HNF4G: variants seen among roughly 807,000 people sequenced by gnomAD.
HNF4G encodes hepatocyte nuclear factor 4-gamma.
Under a neutral mutation model 50.9 loss-of-function variants are expected in HNF4G, and 21 were observed. That is an observed-to-expected ratio of 0.41 (90% confidence interval 0.29 to 0.59). The LOEUF is 0.59. Ranked by LOEUF, HNF4G falls within the 20% of genes least tolerant of loss-of-function variation. The pLI is 0.26. For missense variants in HNF4G, 527 were observed against 559.4 expected (o/e 0.94, Z 0.58); for synonymous variants, 198 against 185.6 (o/e 1.07, Z -0.54).
Position 75,566,662 on chromosome 8 carries a change from G to T in HNF4G, c.*2566G>T, listed in dbSNP as rs528615301. The stretch of plus-strand genomic sequence containing the variant: ...AGGTAATAGAAGTGAATAATTTATT[G>T]TGAAATAATTCATTTTATAAATGTA... On this transcript the variant is annotated 3_prime_UTR_variant, in exon 10 of 10. Transcript: ENST00000396423. The T allele has an allele frequency of 5.9e-4, 90 of 152,324 alleles. No homozygotes were observed. The highest frequency in any genetic ancestry group is 2.1e-3 in the African/African-American group (87 of 41,466). 9.4% of individuals were successfully genotyped at this position (152,324 alleles called of 1,614,324 possible).
At position 75,564,007 on chromosome 8, in the gene HNF4G, CA is replaced by C. The variant is rs1807392850; in HGVS notation, c.1281del (p.Gly428AlafsTer9). 7.4e-6 allele frequency: 12 copies of C among 1,613,696 alleles called. No individual in the cohort carries two copies. The East Asian group carries it at 2.5e-4, about 33-fold the overall frequency. On this transcript the variant is annotated frameshift_variant, in exon 10 of 10. Transcript: ENST00000396423. LOFTEE classifies it high-confidence loss of function. ...TGAAACCCCACTCCCTTCCCCACCACAAGGCTCTGGGCAAGAACAGTACAAA... is the reference window on the plus strand; with the variant it reads ...TGAAACCCCACTCCCTTCCCCACCACAGGCTCTGGGCAAGAACAGTACAAA... Reference protein sequence around the residue: ...TPETPLPSPPQGSGQEQYKIA... With the variant: ...TPETPLPSPPXGSGQEQYKIA...
At chr8:75,472,919 A>G (rs1053057782) in intron 1 of HNF4G, among the ~76,000 whole-genome samples, 1 of 152,208 alleles carries the variant, frequency 6.6e-6, no homozygotes, top group Non-Finnish European at 1.5e-5. Context: ...TCCTAGAAAA[A>G]GGGCAAGGGT....
At chr8:75,499,771 C>T (rs1329786647) in intron 2 of HNF4G, among the ~76,000 whole-genome samples, 2 of 151,584 alleles carry the variant, frequency 1.3e-5, no homozygotes, top group South Asian at 2.1e-4. Context: ...ACAAGGGCAC[C>T]AAGACAATTC....
intron 1 of HNF4G, among the ~76,000 whole-genome samples, chr8:75,416,589 T>C (rs1427615667): frequency 6.6e-6 from 1 of 152,100 alleles, no homozygotes; most frequent in African/African-American, 2.4e-5. Flanking sequence ...ATTTTAATAG[T>C]AATTATGTTT....
At chr8:75,532,973 C>A (rs1203145643) in intron 2 of HNF4G, among the ~76,000 whole-genome samples, 1 of 151,990 alleles carries the variant, frequency 6.6e-6, no homozygotes. Context: ...TCATTATCAT[C>A]ATGATCATTA....
chr8:75,420,096 T>C (rs1252927458), intron 1 of HNF4G, among the ~76,000 whole-genome samples: 2 of 152,144 alleles, frequency 1.3e-5, no homozygotes, highest in Non-Finnish European at 2.9e-5. Flanking sequence ...TTTGCTTAAA[T>C]CAAAAGCCAG....
chr8:75,487,902 G>T (rs948114914), intron 1 of HNF4G, among the ~76,000 whole-genome samples: 2 of 152,124 alleles, frequency 1.3e-5, no homozygotes, highest in African/African-American at 4.8e-5. Flanking sequence ...AGCAAACACG[G>T]CCTTCTTCAC....
chr8:75,463,522 T>G (rs527608683), intron 1 of HNF4G, among the ~76,000 whole-genome samples: 1 of 152,282 alleles, frequency 6.6e-6, no homozygotes, highest in South Asian at 2.1e-4. Flanking sequence ...CCTTTCAATA[T>G]TTGACATTTA....
At chr8:75,480,043 T>C (rs1812339132) in intron 1 of HNF4G, among the ~76,000 whole-genome samples, 1 of 152,066 alleles carries the variant, frequency 6.6e-6, no homozygotes, top group Non-Finnish European at 1.5e-5. Flanking sequence ...TCCCATACAA[T>C]CTGAGAACAA....
intron 2 of HNF4G, among the ~76,000 whole-genome samples, chr8:75,522,847 T>A (rs1333370144): frequency 6.6e-6 from 1 of 152,166 alleles, no homozygotes; most frequent in Non-Finnish European, 1.5e-5. Flanking sequence ...GTCTATATAA[T>A]GGAAATGCTC....
Position 75,543,802 on chromosome 8 carries a change from T to A in HNF4G, c.119-9T>A. ...AACTCTAACTGTAATCTTCCTTTTTTATTGACAGATAGTTCTGCCCCAGAG... is the reference window on the plus strand; with the variant it reads ...AACTCTAACTGTAATCTTCCTTTTTAATTGACAGATAGTTCTGCCCCAGAG... On this transcript the variant is annotated splice_polypyrimidine_tract_variant and intron_variant, in intron 1 of 9. Transcript: ENST00000396423. 21 of 1,604,860 alleles carry A rather than the reference T, an allele frequency of 1.3e-5. No homozygotes were observed. The highest frequency in any genetic ancestry group is 1.7e-5 in the Non-Finnish European group (20 of 1,175,598).
intron 1 of HNF4G, among the ~76,000 whole-genome samples, chr8:75,409,889 C>T (rs957346034): frequency 1.3e-5 from 2 of 152,128 alleles, no homozygotes; most frequent in Admixed American, 6.5e-5. Context: ...AAAGAGCCCC[C>T]TCCCCATTCC....
intron 2 of HNF4G, among the ~76,000 whole-genome samples, chr8:75,531,191 G>A (rs550426244): frequency 1.3e-5 from 2 of 152,100 alleles, no homozygotes; most frequent in African/African-American, 4.8e-5. Context: ...GAAAAATTTT[G>A]TAGTAAAGGA....
At chr8:75,416,282 C>A (rs959112543) in intron 1 of HNF4G, among the ~76,000 whole-genome samples, 1 of 152,080 alleles carries the variant, frequency 6.6e-6, no homozygotes, top group Non-Finnish European at 1.5e-5. Flanking sequence ...TTTCTGCATA[C>A]GGCTGACATG....
chr8:75,548,868 C>T (rs182086156), intron 3 of HNF4G, among the ~76,000 whole-genome samples: 98 of 152,214 alleles, frequency 6.4e-4, no homozygotes, highest in Non-Finnish European at 9.6e-4. Context: ...ATTAGTTTTG[C>T]TCAGGTTGGT....
chr8:75,519,634 A>G (rs1222395081), intron 2 of HNF4G, among the ~76,000 whole-genome samples: 1 of 152,144 alleles, frequency 6.6e-6, no homozygotes, highest in Admixed American at 6.5e-5. Context: ...GGAAAGACCA[A>G]CCCCTATGAT....
At chr8:75,489,381 G>T (rs1230299223) in intron 1 of HNF4G, among the ~76,000 whole-genome samples, 1 of 152,058 alleles carries the variant, frequency 6.6e-6, no homozygotes, top group Non-Finnish European at 1.5e-5. Context: ...TTATAATAAT[G>T]GAATTATTAA....
chr8:75,518,047 T>A (rs1463124364), intron 2 of HNF4G, among the ~76,000 whole-genome samples: 5 of 152,020 alleles, frequency 3.3e-5, no homozygotes. Context: ...TGCAGGTTTG[T>A]TACATATGTA....
Position 75,448,339 on chromosome 8 carries a change from C to T in HNF4G, c.-144+40177C>T, listed in dbSNP as rs575812745. Among the ~76,000 whole-genome samples the T allele has an allele frequency of 1.3e-4, 19 of 143,126 alleles. No homozygotes were observed. The South Asian group carries it at 4.3e-3, about 32-fold the overall frequency. The allele number at this position is 143,126 out of a possible 152,430, so 93.9% of individuals were successfully genotyped here. A position where few individuals can be genotyped will look rare whatever the true frequency, so the allele number is the denominator to read the frequency against. ...GGGAGATATACCTAAGGCTAGATGA[C>T]GAGTTGGTGCAGCGCACCAGCATGG... is the stretch of plus-strand genomic sequence containing the variant. On this transcript the variant is annotated intron_variant, in intron 1 of 10. Coordinates refer to the HNF4G transcript ENST00000354370.
Sources: allele counts gnomAD v4.1 joint callset (sites outside exome capture counted in the v4.1 genomes callset), GRCh38; gene constraint gnomAD v4.1.1; transcripts MANE v1.5; gene names NCBI Gene and HGNC (gene_info 2026-07-23, HGNC 2026-07-21).